XRN2: variants seen among roughly 807,000 people sequenced by gnomAD.
The protein encoded by XRN2 is DHM1-like protein.
Under a neutral mutation model 138.5 loss-of-function variants are expected in XRN2, and 44 were observed. That is an observed-to-expected ratio of 0.32 (90% CI 0.25 to 0.41). The LOEUF (loss-of-function observed/expected upper bound fraction) is 0.41. Ranked by LOEUF, XRN2 falls within the 10% of genes least tolerant of loss-of-function variation. XRN2 has a pLI of 1.00. For missense variants in XRN2, 937 were observed against 1,169.3 expected (o/e 0.80, Z 2.90); for synonymous variants, 354 against 369.4 (o/e 0.96, Z 0.48).
chr20:21,315,183 G>T (rs760683980), intron 1 of XRN2, among the ~76,000 whole-genome samples: 26 of 152,208 alleles, frequency 1.7e-4, no homozygotes, highest in Admixed American at 9.2e-4. Context: ...CAGGAGCAAG[G>T]CTGGACATTT....
chr20:21,346,487 C>A lies in XRN2; in HGVS notation c.1602C>A (p.Phe534Leu), dbSNP rs768650643. 3.7e-6 allele frequency: 6 copies of A among 1,614,144 alleles called. No homozygotes were observed. The highest frequency in any genetic ancestry group is 5.1e-6 in the Non-Finnish European group (6 of 1,180,010). The change falls in exon 17 of 30, where the codon TTC (phenylalanine) becomes TTA (leucine). Residue 534 changes from phenylalanine to leucine, a missense_variant. Phe to Leu is a conservative substitution (Grantham distance 22, BLOSUM62 0). Transcript: ENST00000377191. The part of the protein sequence containing the change: ...KFDVDAADEK[F>L]RRKVVQSYVE... Reference sequence around the variant, plus strand: ...ATGTGGATGCAGCTGATGAGAAATTCCGTCGGAAAGTTGTGCAGTCGTACG... The same window carrying A: ...ATGTGGATGCAGCTGATGAGAAATTACGTCGGAAAGTTGTGCAGTCGTACG...
chr20:21,323,810 C>T (rs1021451314), intron 1 of XRN2, among the ~76,000 whole-genome samples: 3 of 152,158 alleles, frequency 2.0e-5, no homozygotes, highest in South Asian at 2.1e-4. Flanking sequence ...CTGCTGGTGA[C>T]GTCCTGTTTT....
intron 10 of XRN2, 42 bp downstream of exon 10, chr20:21,333,660 G>T (rs1448908714): frequency 6.2e-7 from 1 of 1,613,962 alleles, no homozygotes; most frequent in South Asian, 1.1e-5. Context: ...CTAAAGCAGG[G>T]TGCCTTTGAT....
At chr20:21,341,104 G>A (rs2038366613) in intron 15 of XRN2, among the ~76,000 whole-genome samples, 1 of 152,180 alleles carries the variant, frequency 6.6e-6, no homozygotes, top group Non-Finnish European at 1.5e-5. Flanking sequence ...CAGTTTGGGT[G>A]ACAGCGTGAG....
intron 17 of XRN2, 73 bp from the exon 18 acceptor site, chr20:21,348,073 T>G: frequency 8.6e-7 from 1 of 1,168,010 alleles, no homozygotes; most frequent in Non-Finnish European, 1.1e-6. Context: ...ACAGTCTAAT[T>G]TTTGTTTTTT....
intron 20 of XRN2, among the ~76,000 whole-genome samples, chr20:21,349,745 AAATAAATAAATG>A (rs2038483088): frequency 6.6e-6 from 1 of 152,218 alleles, no homozygotes; most frequent in Non-Finnish European, 1.5e-5. Context: ...CCTGTCTCAT[AAATAAATAAATG>A]AATAAATAAA....
intron 9 of XRN2, 133 bp from the exon 10 acceptor site, chr20:21,333,411 T>A: frequency 1.1e-6 from 1 of 925,024 alleles, no homozygotes; most frequent in Non-Finnish European, 1.7e-6. Context: ...AATGCATTGG[T>A]GAGCTTTTAA....
chr20:21,375,048 C>G (rs1338071205), intron 27 of XRN2, among the ~76,000 whole-genome samples: 1 of 93,234 alleles, frequency 1.1e-5, no homozygotes, highest in East Asian at 3.1e-4. Flanking sequence ...TGGGAATGTG[C>G]CCATTCTAAA....
intron 13 of XRN2, among the ~76,000 whole-genome samples, chr20:21,334,770 A>G (rs1404844959): frequency 6.6e-6 from 1 of 152,192 alleles, no homozygotes; most frequent in Non-Finnish European, 1.5e-5. Flanking sequence ...GCCATTTACT[A>G]AGATAGCAAG....
chr20:21,382,603 A>C (rs1319954184), intron 28 of XRN2, among the ~76,000 whole-genome samples: 1 of 152,214 alleles, frequency 6.6e-6, no homozygotes, highest in African/African-American at 2.4e-5. Context: ...TAACTACTTA[A>C]GACTGAACTG....
Position 21,330,656 on chromosome 20 carries a change from A to T in XRN2, c.527A>T (p.Tyr176Phe). 6.2e-7 allele frequency: 1 copy of T among 1,613,460 alleles called. No individual in the cohort carries two copies. Among genetic ancestry groups the T allele is most frequent in the Non-Finnish European group, 8.5e-7 (1 of 1,179,980 alleles). The change falls in exon 6 of 30, where the codon TAT (tyrosine) becomes TTT (phenylalanine). Residue 176 changes from tyrosine to phenylalanine, a missense_variant. Transcript: ENST00000377191. ...FMDNLAKCLR[Y>F]YIADRLNNDP... is the part of the protein sequence containing the mutation. ...GACAATCTTGCTAAATGCCTTCGCT[A>T]TTACATAGCTGATCGTTTAAATAAT...
intron 14 of XRN2, among the ~76,000 whole-genome samples, chr20:21,340,417 T>G (rs2038355860): frequency 6.6e-6 from 1 of 152,222 alleles, no homozygotes; most frequent in African/African-American, 2.4e-5. Context: ...TTTTCTGTAA[T>G]TATAAAAAGC....
chr20:21,364,804 CAA>C (rs55958227), intron 24 of XRN2, among the ~76,000 whole-genome samples: 66 of 95,420 alleles, frequency 6.9e-4, no homozygotes, highest in Admixed American at 8.4e-4. Context: ...AGACCTGTCT[CAA>C]AAAAAAAAAA....
At chr20:21,377,544 C>T (rs2038839077) in intron 27 of XRN2, among the ~76,000 whole-genome samples, 1 of 137,146 alleles carries the variant, frequency 7.3e-6, no homozygotes, top group Non-Finnish European at 1.5e-5. Context: ...AGGCGTGAGC[C>T]ACCACGTCCG....
intron 1 of XRN2, among the ~76,000 whole-genome samples, chr20:21,318,929 A>G (rs895520678): frequency 2.0e-5 from 3 of 151,988 alleles, no homozygotes; most frequent in African/African-American, 7.2e-5. Context: ...GTCTCTGTTG[A>G]TAGTGTTGTT....
chr20:21,342,594 ACT>A (rs1238386898), intron 15 of XRN2, among the ~76,000 whole-genome samples: 1 of 152,216 alleles, frequency 6.6e-6, no homozygotes, highest in Non-Finnish European at 1.5e-5. Context: ...TGGGAATGTC[ACT>A]CTCATAATTT....
intron 17 of XRN2, among the ~76,000 whole-genome samples, chr20:21,347,005 T>C (rs2038445006): frequency 6.6e-6 from 1 of 152,188 alleles, no homozygotes; most frequent in Non-Finnish European, 1.5e-5. Flanking sequence ...CAGAAGTCCG[T>C]ATTTGTAAAT....
chr20:21,323,751 A>G (rs1196739392), intron 1 of XRN2, among the ~76,000 whole-genome samples: 3 of 152,142 alleles, frequency 2.0e-5, no homozygotes, highest in Non-Finnish European at 4.4e-5. Context: ...TCCACTCCAT[A>G]TGAAGAGCTG....
intron 24 of XRN2, 23 bp downstream of exon 24, chr20:21,357,815 C>T: frequency 6.3e-7 from 1 of 1,591,080 alleles, no homozygotes; most frequent in Non-Finnish European, 8.6e-7. Flanking sequence ...AAATTCATGG[C>T]ATTCACCCAG....
Sources: gnomAD v4.1 joint callset for allele counts (sites outside exome capture counted in the v4.1 genomes callset) on GRCh38, gnomAD v4.1.1 for gene constraint, MANE v1.5 for transcripts, NCBI Gene and HGNC (gene_info 2026-07-23, HGNC 2026-07-21) for gene names.